The following TGFBR3 variants were observed in gnomAD, a reference collection of about 807,000 sequenced individuals.
TGFBR3 encodes transforming growth factor beta receptor type 3.
In TGFBR3, 46 loss-of-function variants were observed where a neutral mutation model predicts 87.9. The observed-to-expected ratio is 0.52, with a 90% CI of 0.41 to 0.67. The LOEUF is 0.67. TGFBR3 is among the 30% of genes least tolerant of loss of function. TGFBR3 has a pLI of 0.00. For missense variants in TGFBR3, 866 were observed against 1,041.9 expected (o/e 0.83, Z 2.32); for synonymous variants, 381 against 391.6 (o/e 0.97, Z 0.32).
intron 3 of TGFBR3, among the ~76,000 whole-genome samples, chr1:91,778,313 A>G (rs930001843): frequency 6.6e-6 from 1 of 152,154 alleles, no homozygotes; most frequent in African/African-American, 2.4e-5. Context: ...TCTAATTCTC[A>G]ATTGGTATTT....
chr1:91,767,976 G>A (rs1443222770), intron 3 of TGFBR3, among the ~76,000 whole-genome samples: 1 of 152,028 alleles, frequency 6.6e-6, no homozygotes, highest in African/African-American at 2.4e-5. Flanking sequence ...ACTTTGGGAG[G>A]CCAAGGCAGG....
chr1:91,873,101 G>A (rs143219693), intron 1 of TGFBR3, among the ~76,000 whole-genome samples: 15 of 151,970 alleles, frequency 9.9e-5, no homozygotes, highest in Non-Finnish European at 2.2e-4. Context: ...CCTTTAAGCA[G>A]GGACTACAGG....
upstream of TGFBR3, chr1:91,886,261 G>A (rs912922806): frequency 6.4e-5 from 28 of 434,712 alleles, no homozygotes; most frequent in Admixed American, 2.4e-4. Context: ...CTCCTCCGCC[G>A]GCCCCACCGG....
rs72965097 is a variant in TGFBR3, at chr1:91,737,804, C to T, written c.385-2845G>A. On this transcript the variant is annotated intron_variant, in intron 4 of 16. Transcript: ENST00000212355. The stretch of plus-strand genomic sequence containing the variant: ...CGTCAACAGGATAGTCTCTGAAAGA[C>T]GGTGTCGGGACAAGATTCAAGGTCT... Among the ~76,000 whole-genome samples, 353 of 152,272 alleles carry T rather than the reference C, an allele frequency of 2.3e-3. 2 individuals are homozygous for T. Among genetic ancestry groups the T allele is most frequent in the African/African-American group, 7.9e-3 (330 of 41,552 alleles).
At chr1:91,750,984 A>G (rs550828357) in intron 4 of TGFBR3, among the ~76,000 whole-genome samples, 1 of 152,314 alleles carries the variant, frequency 6.6e-6, no homozygotes, top group East Asian at 1.9e-4. Context: ...CAATTTTTCA[A>G]TCAGCTCTCC....
intron 1 of TGFBR3, among the ~76,000 whole-genome samples, chr1:91,904,490 G>A (rs1039975640): frequency 5.3e-5 from 8 of 151,036 alleles, no homozygotes; most frequent in Non-Finnish European, 2.9e-5. Flanking sequence ...TCTGCCTCCC[G>A]GGTTCAAGCA....
intron 7 of TGFBR3, 75 bp downstream of exon 7, chr1:91,727,584 A>C: frequency 6.3e-7 from 1 of 1,583,320 alleles, no homozygotes; most frequent in South Asian, 1.1e-5. Flanking sequence ...AACTTTAAAA[A>C]TAACACTTAT....
At chr1:91,892,249 G>A (rs1025829613) in intron 2 of TGFBR3, among the ~76,000 whole-genome samples, 4 of 152,026 alleles carry the variant, frequency 2.6e-5, no homozygotes, top group Non-Finnish European at 5.9e-5. Context: ...TGTGGTCTTA[G>A]CTCCTTAGGG....
chr1:91,721,009 C>T (rs1438874842), intron 8 of TGFBR3, among the ~76,000 whole-genome samples: 2 of 152,060 alleles, frequency 1.3e-5, no homozygotes, highest in Non-Finnish European at 2.9e-5. Context: ...AATATTTTGT[C>T]GTATTTCTAA....
intron 2 of TGFBR3, among the ~76,000 whole-genome samples, chr1:91,805,755 G>C (rs1306480506): frequency 6.6e-6 from 1 of 152,222 alleles, no homozygotes; most frequent in Non-Finnish European, 1.5e-5. Flanking sequence ...CACACCACTA[G>C]GGGCCACACA....
rs141107775 is a variant in TGFBR3, at chr1:91,734,745, C to T, written c.568+31G>A. The T allele has an allele frequency of 8.2e-3, 13,172 of 1,609,700 alleles. 99 individuals are homozygous for T. Among genetic ancestry groups the T allele is most frequent in the South Asian group, 9.5e-3 (865 of 90,950 alleles). ...AAGAAAACAATTGCCTGTCATAAATCAGTCATTAACTGAAGCCACATAAAA... is the reference window on the plus strand; with the variant it reads ...AAGAAAACAATTGCCTGTCATAAATTAGTCATTAACTGAAGCCACATAAAA... On this transcript the variant is annotated intron_variant, in intron 5 of 16. Transcript: ENST00000212355.
At chr1:91,856,163 C>T (rs1677942449) in intron 2 of TGFBR3, among the ~76,000 whole-genome samples, 1 of 152,140 alleles carries the variant, frequency 6.6e-6, no homozygotes. Context: ...CCCGGGTTCA[C>T]ACCATTCTTC....
At chr1:91,708,525 C>G (rs769413920) in intron 14 of TGFBR3, 138 bp downstream of exon 14, 83 of 1,362,500 alleles carry the variant, frequency 6.1e-5, no homozygotes, top group Middle Eastern at 3.6e-4. Context: ...ACTCTTCGGG[C>G]AAAAAATGGT....
rs1670975670 is a variant in TGFBR3 at position 91,683,348 on chromosome 1, T to G, written c.*391A>C. On this transcript the variant is annotated 3_prime_UTR_variant, in exon 17 of 17. Transcript: ENST00000212355. ...CTCACTGGTTCTACTATCTGGCTATTAACCCTTTACCAACTCCTTGAGTCT... is the reference window on the plus strand; with the variant it reads ...CTCACTGGTTCTACTATCTGGCTATGAACCCTTTACCAACTCCTTGAGTCT... 1 of 479,198 alleles carries G rather than the reference T, an allele frequency of 2.1e-6. No homozygotes were observed. The highest frequency in any genetic ancestry group is 1.5e-5 in the South Asian group (1 of 64,684). The allele number at this position is 479,198 out of a possible 1,614,324, so 29.7% of individuals were successfully genotyped here. A position where few individuals can be genotyped will look rare whatever the true frequency, so the allele number is the denominator to read the frequency against.
intron 4 of TGFBR3, among the ~76,000 whole-genome samples, chr1:91,751,380 G>A (rs1015845286): frequency 6.6e-6 from 1 of 152,168 alleles, no homozygotes; most frequent in South Asian, 2.1e-4. Flanking sequence ...TCATGAAAAG[G>A]TAACAGCTGG....
At chr1:91,881,549 A>G (rs1483253009) in intron 1 of TGFBR3, among the ~76,000 whole-genome samples, 2 of 152,180 alleles carry the variant, frequency 1.3e-5, no homozygotes, top group African/African-American at 4.8e-5. Flanking sequence ...GTAGGAGGTT[A>G]TAAGTGTTTG....
At chr1:91,895,419 T>TATAGAG (rs1200762302) in intron 2 of TGFBR3, among the ~76,000 whole-genome samples, 1 of 152,152 alleles carries the variant, frequency 6.6e-6, no homozygotes, top group Non-Finnish European at 1.5e-5. Context: ...GCTTTATGCT[T>TATAGAG]CCTATACAGC....
chr1:91,709,198 G>A (rs1671896568), intron 13 of TGFBR3, among the ~76,000 whole-genome samples: 1 of 152,192 alleles, frequency 6.6e-6, no homozygotes, highest in Non-Finnish European at 1.5e-5. Context: ...AACTTATGAT[G>A]AGGTTACATC....
intron 2 of TGFBR3, among the ~76,000 whole-genome samples, chr1:91,848,817 GCA>G (rs1381559984): frequency 2.6e-5 from 4 of 152,212 alleles, no homozygotes; most frequent in Non-Finnish European, 5.9e-5. Context: ...GGGTAAGTAA[GCA>G]AGGAAAAGAG....
Sources: gnomAD v4.1 joint callset for allele counts (sites outside exome capture counted in the v4.1 genomes callset) on GRCh38, gnomAD v4.1.1 for gene constraint, MANE v1.5 for transcripts, NCBI Gene and HGNC (gene_info 2026-07-23, HGNC 2026-07-21) for gene names.